The following POLK variants were observed in gnomAD, a reference collection of about 807,000 sequenced individuals.
POLK encodes DNA polymerase kappa.
Under a neutral mutation model 94.0 loss-of-function variants are expected in POLK, and 76 were observed. The observed-to-expected ratio is 0.81, with a 90% CI of 0.67 to 0.98. The LOEUF (loss-of-function observed/expected upper bound fraction) is 0.98. Ranked by LOEUF, POLK falls within the 50% of genes least tolerant of loss-of-function variation. The pLI, the probability that POLK is intolerant of heterozygous loss-of-function variation, is 0.00. For missense variants in POLK, 954 were observed against 1,010.1 expected (o/e 0.94, Z 0.75); for synonymous variants, 349 against 325.4 (o/e 1.07, Z -0.78).
intron 5 of POLK, among the ~76,000 whole-genome samples, chr5:75,574,225 T>C (rs1284658064): frequency 3.3e-5 from 5 of 152,194 alleles, no homozygotes; most frequent in Non-Finnish European, 5.9e-5. Context: ...ACTTACAGAA[T>C]CTACTCATCA....
intron 1 of POLK, among the ~76,000 whole-genome samples, chr5:75,515,915 T>C (rs561155701): frequency 1.8e-4 from 28 of 152,316 alleles, no homozygotes; most frequent in African/African-American, 6.7e-4. Context: ...AAATTTTTTT[T>C]AAGCCATTTT....
At chr5:75,568,841 A>G (rs1025708041) in intron 3 of POLK, 10 of 192,364 alleles carry the variant, frequency 5.2e-5, no homozygotes, top group Non-Finnish European at 1.1e-4. Context: ...AGACATTATT[A>G]TTATGAATCA....
Position 75,558,508 on chromosome 5 carries a change from A to G in POLK, c.255+5917A>G, listed in dbSNP as rs545177242. On this transcript the variant is annotated intron_variant, in intron 3 of 14. Transcript: ENST00000241436. ...ACTGAGTTGAAATGAAGTACTTCCA[A>G]ATTAAAAAATTCTCAATTGTTCTTT... Among the ~76,000 whole-genome samples the G allele has an allele frequency of 1.8e-3, 273 of 152,238 alleles. 4 individuals are homozygous for G. The South Asian group carries it at 0.023, about 13-fold the overall frequency.
chr5:75,513,621 T>C (rs1281666305), intron 1 of POLK, among the ~76,000 whole-genome samples: 1 of 152,208 alleles, frequency 6.6e-6, no homozygotes, highest in Non-Finnish European at 1.5e-5. Flanking sequence ...GCAGAAATAT[T>C]CTTACTATTC....
chr5:75,557,658 G>A lies in POLK; in HGVS notation c.255+5067G>A, dbSNP rs186577604. ...GTTGAACCATCATAGGCCAGAGACC[G>A]TATTTAGTTCTTCTTTGCTTTCTTT... On this transcript the variant is annotated intron_variant, in intron 3 of 14. Transcript: ENST00000241436. Among the ~76,000 whole-genome samples the A allele has an allele frequency of 4.3e-4, 66 of 152,246 alleles. 1 individual carries two copies. The highest frequency in any genetic ancestry group is 7.2e-4 in the Admixed American group (11 of 15,290).
At chr5:75,519,709 G>T (rs1768481196) in intron 1 of POLK, among the ~76,000 whole-genome samples, 1 of 152,032 alleles carries the variant, frequency 6.6e-6, no homozygotes, top group Non-Finnish European at 1.5e-5. Flanking sequence ...CTCTTTTCTG[G>T]TTTCCCCTTG....
exon 6 of POLK, chr5:75,576,802 A>G (rs776650570): frequency 2.0e-6 from 3 of 1,522,498 alleles, no homozygotes; most frequent in Non-Finnish European, 2.6e-6. Context: ...CTTGCTGATT[A>G]TGATCCCAAT....
intron 1 of POLK, among the ~76,000 whole-genome samples, chr5:75,540,285 T>A (rs923494072): frequency 2.6e-4 from 36 of 139,396 alleles, no homozygotes. Context: ...CTGTTGTAAT[T>A]TTTTTTTTTT....
At chr5:75,603,376 A>G (rs1193178811), downstream of POLK, among the ~76,000 whole-genome samples, 1 of 151,266 alleles carries the variant, frequency 6.6e-6, no homozygotes, top group Non-Finnish European at 1.5e-5. Context: ...CATCTTATGC[A>G]TTTTTTACAG....
intron 1 of POLK, among the ~76,000 whole-genome samples, chr5:75,526,692 G>A (rs962651367): frequency 1.4e-4 from 21 of 149,630 alleles, no homozygotes; most frequent in African/African-American, 3.7e-4. Flanking sequence ...ATTGATTCTC[G>A]TGCCTTAGCC....
intron 2 of POLK, among the ~76,000 whole-genome samples, chr5:75,551,879 G>T (rs1770353879): frequency 1.3e-5 from 2 of 152,128 alleles, no homozygotes; most frequent in South Asian, 4.1e-4. Flanking sequence ...CTACCTGAGA[G>T]AAATGACAAC....
At chr5:75,557,735 C>T (rs949453509) in intron 3 of POLK, among the ~76,000 whole-genome samples, 8 of 152,124 alleles carry the variant, frequency 5.3e-5, no homozygotes, top group African/African-American at 1.7e-4. Flanking sequence ...TTTTGTTACA[C>T]TTGTTCCTAA....
intron 4 of POLK, 133 bp from the exon 5 acceptor site, chr5:75,573,605 A>T: frequency 1.4e-6 from 1 of 731,718 alleles, no homozygotes; most frequent in Non-Finnish European, 2.3e-6. Context: ...AAAAACAAAA[A>T]CAAAAAACTG....
At chr5:75,552,393 C>A in intron 2 of POLK, 79 bp from the exon 3 acceptor site, 3 of 1,322,216 alleles carry the variant, frequency 2.3e-6, no homozygotes, top group South Asian at 1.6e-5. Context: ...TGAGTATGTG[C>A]TCTTAGCCAC....
the POLK span, among the ~76,000 whole-genome samples, chr5:75,608,331 C>T: frequency 6.6e-6 from 1 of 152,040 alleles, no homozygotes; most frequent in Non-Finnish European, 1.5e-5. Context: ...GTAGCTAAGA[C>T]TACAGGTCTG....
chr5:75,578,303 G>A (rs1475440555), intron 6 of POLK, among the ~76,000 whole-genome samples: 5 of 152,030 alleles, frequency 3.3e-5, no homozygotes, highest in African/African-American at 9.7e-5. Context: ...TTAGAGGCGC[G>A]TGCCACCACA....
At chr5:75,591,524 T>C (rs1772783593) in intron 11 of POLK, among the ~76,000 whole-genome samples, 1 of 152,206 alleles carries the variant, frequency 6.6e-6, no homozygotes, top group Non-Finnish European at 1.5e-5. Flanking sequence ...TATTAACATA[T>C]TACCAGAGTA....
chr5:75,523,629 C>G (rs145003901), intron 1 of POLK, among the ~76,000 whole-genome samples: 1 of 152,278 alleles, frequency 6.6e-6, no homozygotes, highest in African/African-American at 2.4e-5. Flanking sequence ...TAAACAGGTA[C>G]ATGATTCAAG....
intron 10 of POLK, among the ~76,000 whole-genome samples, chr5:75,588,287 G>A (rs1772576601): frequency 6.6e-6 from 1 of 152,118 alleles, no homozygotes; most frequent in African/African-American, 2.4e-5. Context: ...TGGGGGAAAG[G>A]AGGTTGCAAT....
Sources: gnomAD v4.1 joint callset for allele counts (sites outside exome capture counted in the v4.1 genomes callset) on GRCh38, gnomAD v4.1.1 for gene constraint, MANE v1.5 for transcripts, NCBI Gene and HGNC (gene_info 2026-07-23, HGNC 2026-07-21) for gene names.